The following NOP56 variants were observed in gnomAD, a reference collection of about 807,000 sequenced individuals.
The protein encoded by NOP56 is NOP56 ribonucleoprotein.
In NOP56, 31 loss-of-function variants were observed where a neutral mutation model predicts 58.3. The observed-to-expected ratio is 0.53, with a 90% CI of 0.40 to 0.72. The LOEUF is 0.72. Among genes scored for constraint, NOP56 ranks in the 30% least tolerant of loss-of-function variants. NOP56 has a pLI of 0.00. For missense variants in NOP56, 669 were observed against 739.9 expected, an observed-to-expected ratio of 0.90 and a Z score of 1.11; for synonymous variants, 313 against 282.8, an observed-to-expected ratio of 1.11 and a Z score of -1.07.
rs1466696716 is a variant in NOP56, at chr20:2,654,493, G to A, written c.288G>A (p.Gly96=). The change falls in exon 4 of 12, where the codon GGG becomes GGA. Residue 96 remains glycine (G), a synonymous_variant. Coordinates refer to ENST00000329276, the MANE Select transcript of NOP56 (RefSeq NM_006392.4). The stretch of plus-strand genomic sequence containing the variant: ...AGAAGAAAGTACTCTTGGGAGTTGG[G>A]GATCCCAAGATTGGTGCCGCAATAC... ...SKKKKVLLGV[G]DPKIGAAIQE... 1 of 1,614,052 alleles carries A rather than the reference G, an allele frequency of 6.2e-7. No homozygotes were observed. The highest frequency in any genetic ancestry group is 8.5e-7 in the Non-Finnish European group (1 of 1,180,014).
At chr20:2,657,449 G>A (rs895686205) in intron 11 of NOP56, 9 of 726,726 alleles carry the variant, frequency 1.2e-5, no homozygotes, top group East Asian at 8.4e-5. Flanking sequence ...GGGCATGTGT[G>A]TTCTGTCCTC....
Position 2,658,305 on chromosome 20 carries a change from G to C in NOP56, c.*11G>C. ...TCCCAGGAAGATTAGAATGCAAATG[G>C]ACATTCTCTGGGAGGTGGGGCATAC... On this transcript the variant is annotated 3_prime_UTR_variant, in exon 12 of 12. Coordinates refer to ENST00000329276, the MANE Select transcript of NOP56 (RefSeq NM_006392.4). The C allele has an allele frequency of 6.3e-7, 1 of 1,599,438 alleles. No individual in the cohort carries two copies. The highest frequency in any genetic ancestry group is 8.5e-7 in the Non-Finnish European group (1 of 1,172,750).
chr20:2,654,558 T>C lies in NOP56; in HGVS notation c.353T>C (p.Ile118Thr). 2 of 1,614,212 alleles carry C rather than the reference T, an allele frequency of 1.2e-6. No homozygotes were observed. Among genetic ancestry groups the C allele is most frequent in the South Asian group, 1.1e-5 (1 of 91,082 alleles). ...LGYNCQTGGVIAEILRGVRLH... is the reference protein window; with the variant it reads ...LGYNCQTGGVTAEILRGVRLH... Reference sequence around the variant, plus strand: ...TACAACTGCCAGACTGGAGGAGTCATAGCTGAGATCCTGCGAGGTGAGACC... The same window carrying C: ...TACAACTGCCAGACTGGAGGAGTCACAGCTGAGATCCTGCGAGGTGAGACC... Residue 118 changes from isoleucine to threonine, a missense_variant, in exon 4 of 12, where the codon ATA (isoleucine) becomes ACA (threonine). Around this residue, in one of 3 missense-constraint regions of NOP56, gnomAD observed 339 missense variants for 430.5 expected, o/e 0.79. Coordinates refer to ENST00000329276, the MANE Select transcript of NOP56 (RefSeq NM_006392.4).
At chr20:2,654,379 A>T (rs2086790344) in intron 3 of NOP56, 35 bp from the exon 4 acceptor site, 1 of 1,613,242 alleles carries the variant, frequency 6.2e-7, no homozygotes, top group Admixed American at 1.7e-5. Flanking sequence ...ATCGTCCTTC[A>T]GCCTGTTAGT....
At chr20:2,657,360 C>T in intron 11 of NOP56, 142 bp downstream of exon 11, 1 of 1,204,772 alleles carries the variant, frequency 8.3e-7, no homozygotes. Flanking sequence ...AAAACTACCT[C>T]TTGATTCTAT....
rs755976025 is a variant in NOP56, at chr20:2,652,676, T to G, written c.3+13T>G. On this transcript the variant is annotated intron_variant, in intron 1 of 11. Transcript: ENST00000329276. ...AGCTGGCGCCATGGTGAGGAGTGGT[T>G]GCGGGGCGCGGGCGACGCGACGGTG... 8.9e-6 allele frequency: 13 copies of G among 1,454,686 alleles called. No individual in the cohort carries two copies. Among genetic ancestry groups the G allele is most frequent in the Non-Finnish European group, 9.0e-7 (1 of 1,111,718 alleles). The allele number at this position is 1,454,686 out of a possible 1,614,324, so 90.1% of individuals were successfully genotyped here.
In NOP56 at chr20:2,655,460, A is replaced by T; in HGVS notation, c.705A>T (p.Thr235=). 1 of 1,614,110 alleles carries T rather than the reference A, an allele frequency of 6.2e-7. No homozygotes were observed. The highest frequency in any genetic ancestry group is 8.5e-7 in the Non-Finnish European group (1 of 1,179,996). Reference sequence around the variant, plus strand: ...AGCTGGAGAAGCTGGAGGAGCTGACAATGGATGGGGCCAAGGCTAAGGCTA... The same window carrying T: ...AGCTGGAGAAGCTGGAGGAGCTGACTATGGATGGGGCCAAGGCTAAGGCTA... ...EDKLEKLEEL[T]MDGAKAKAIL... is the part of the protein sequence containing the mutation. The change falls in exon 6 of 12, where the codon ACA becomes ACT. Residue 235 remains threonine, a synonymous_variant. Transcript: ENST00000329276.
At chr20:2,653,947 C>G in intron 3 of NOP56, 1 of 338,486 alleles carries the variant, frequency 3.0e-6, no homozygotes, top group South Asian at 2.3e-5. Context: ...GCGACGGTGC[C>G]CGGCCGACAA....
Position 2,657,146 on chromosome 20 carries a change from G to C in NOP56, c.1347G>C (p.Lys449Asn). 1.2e-6 allele frequency: 2 copies of C among 1,614,164 alleles called. No homozygotes were observed. The highest frequency in any genetic ancestry group is 1.7e-5 in the Admixed American group (1 of 60,018). Reference protein sequence around the residue: ...LEKQEKKRLKKEKKRLAALAL... With the variant: ...LEKQEKKRLKNEKKRLAALAL... ...AACAGGAGAAGAAACGCTTAAAGAA[G>C]GAAAAGAAACGGCTGGCTGCACTTG... The change falls in exon 11 of 12, where the codon AAG (lysine) becomes AAC (asparagine). Residue 449 changes from lysine (K) to asparagine (N), a missense_variant. Physicochemically the swap from Lys to Asn is moderately conservative, Grantham distance 94. This residue lies in a region of NOP56 where 209 missense variants were observed against 196.2 expected (regional missense o/e 1.07). Coordinates refer to ENST00000329276, the MANE Select transcript of NOP56 (RefSeq NM_006392.4).
At position 2,658,131 on chromosome 20, in the gene NOP56, A is replaced by G. The variant is rs779174960; in HGVS notation, c.1622A>G (p.Glu541Gly). ...AAGAGGAAGAAGTCTACACCCAAGG[A>G]GGAAACAGTTAATGACCCTGAGGAG... ...IPKRKKSTPK[E>G]ETVNDPEEAG... Residue 541 changes from glutamate to glycine, a missense_variant, in exon 12 of 12, where the codon GAG (glutamate) becomes GGG (glycine). Coordinates refer to ENST00000329276, the MANE Select transcript of NOP56 (RefSeq NM_006392.4). The G allele has an allele frequency of 2.3e-5, 37 of 1,614,010 alleles. No individual in the cohort carries two copies. The highest frequency in any genetic ancestry group is 3.1e-5 in the Non-Finnish European group (36 of 1,180,002).
intron 3 of NOP56, chr20:2,654,076 C>A: frequency 2.0e-6 from 1 of 498,788 alleles, no homozygotes; most frequent in East Asian, 4.9e-5. Context: ...GTTGGGTAAA[C>A]ACAGGCTGAG....
chr20:2,657,914 T>C lies in NOP56; in HGVS notation c.1420-15T>C, dbSNP rs757325148. 14 of 1,562,798 alleles carry C rather than the reference T, an allele frequency of 9.0e-6. No individual in the cohort carries two copies. The Admixed American group carries it at 1.6e-4, about 18-fold the overall frequency. On this transcript the variant is annotated splice_polypyrimidine_tract_variant and intron_variant, in intron 11 of 11. Coordinates refer to ENST00000329276, the MANE Select transcript of NOP56 (RefSeq NM_006392.4). ...GCACTGTTCTCACAGCCTGTTCCCC[T>C]GTCCTTCCCTTTAGGAGATGAGTGA... is the stretch of plus-strand genomic sequence containing the variant.
rs1027795514 is a variant in NOP56, at chr20:2,657,371, A to G, written c.1419+153A>G. 7 of 1,127,380 alleles carry G rather than the reference A, an allele frequency of 6.2e-6. No homozygotes were observed. In the Admixed American group the frequency reaches 1.2e-4, roughly 19 times the overall value. 69.8% of individuals were successfully genotyped at this position (1,127,380 alleles called of 1,614,324 possible). ...ATCTAAAACTACCTCTTGATTCTAT[A>G]GGAAGGAGATAGGTGCTGAACTTGC... On this transcript the variant is annotated intron_variant, in intron 11 of 11. Transcript: ENST00000329276.
At chr20:2,657,323 G>T in intron 11 of NOP56, 105 bp downstream of exon 11, 2 of 1,520,710 alleles carry the variant, frequency 1.3e-6, no homozygotes, top group Non-Finnish European at 1.8e-6. Flanking sequence ...CCAGGCTTTT[G>T]GACTGAAACA....
chr20:2,656,263 G>A, intron 8 of NOP56, 138 bp from the exon 9 acceptor site: 1 of 1,605,470 alleles, frequency 6.2e-7, no homozygotes, highest in Non-Finnish European at 8.5e-7. Flanking sequence ...CTATGGGTTG[G>A]CATGCATTGG....
chr20:2,656,844 T>G lies in NOP56; in HGVS notation c.1230T>G (p.Thr410=), dbSNP rs779570609. 8 of 1,614,108 alleles carry G rather than the reference T, an allele frequency of 5.0e-6. No homozygotes were observed. The South Asian group carries it at 8.8e-5, about 18-fold the overall frequency. ...QVEERLSFYE[T]GEIPRKNLDV... The stretch of plus-strand genomic sequence containing the variant: ...AAGAGCGACTGTCCTTCTATGAGAC[T>G]GGAGAGATACCACGAAAGAATCTGG... The change falls in exon 10 of 12, where the codon ACT becomes ACG. Residue 410 remains threonine (T), a synonymous_variant. Coordinates refer to ENST00000329276, the MANE Select transcript of NOP56 (RefSeq NM_006392.4).
chr20:2,655,692 G>A lies in NOP56; in HGVS notation c.855G>A (p.Leu285=), dbSNP rs760607028. 24 of 1,614,164 alleles carry A rather than the reference G, an allele frequency of 1.5e-5. No individual in the cohort carries two copies. Among genetic ancestry groups the A allele is most frequent in the Middle Eastern group, 1.6e-4 (1 of 6,062 alleles). The change falls in exon 7 of 12, where the codon CTG becomes CTA. Residue 285 remains leucine, a synonymous_variant. Coordinates refer to ENST00000329276, the MANE Select transcript of NOP56 (RefSeq NM_006392.4). ...SEYRQSLHTY[L]RSKMSQVAPS... is the part of the protein sequence containing the mutation. ...ACCGCCAGAGCCTACACACTTACCT[G>A]CGCTCCAAGATGAGCCAAGTAGCCC...
At chr20:2,655,258 G>A in intron 5 of NOP56, 67 bp from the exon 6 acceptor site, 1 of 1,581,894 alleles carries the variant, frequency 6.3e-7, no homozygotes, top group South Asian at 1.1e-5. Flanking sequence ...TGTGGAGAAG[G>A]CAAGGCTGTA....
rs770494979 is a variant in NOP56 at position 2,654,783 on chromosome 20, T to A, written c.405T>A (p.Gly135=). 3.1e-6 allele frequency: 5 copies of A among 1,613,966 alleles called. No individual in the cohort carries two copies. The East Asian group carries it at 1.1e-4, about 36-fold the overall frequency. Residue 135 remains glycine (G), a synonymous_variant, in exon 5 of 12, where the codon GGT becomes GGA. Coordinates refer to ENST00000329276, the MANE Select transcript of NOP56 (RefSeq NM_006392.4). ...TGCACTTCCACAATCTGGTGAAGGG[T>A]CTGACCGATCTGTCAGCTTGTAAAG... ...VRLHFHNLVK[G]LTDLSACKAQ...
Sources: allele counts gnomAD v4.1 joint callset, GRCh38; gene constraint gnomAD v4.1.1; regional missense constraint gnomAD v4.1.1; transcripts MANE v1.5; gene names NCBI Gene and HGNC (gene_info 2026-07-23, HGNC 2026-07-21).